SPOCK1: variants seen among roughly 807,000 people sequenced by gnomAD.
SPOCK1 encodes the protein SPARC (osteonectin), cwcv and kazal like domains proteoglycan 1.
In SPOCK1, 23 loss-of-function variants were observed where a neutral mutation model predicts 55.3. The observed-to-expected ratio is 0.42, with a 90% CI of 0.30 to 0.59. The LOEUF (loss-of-function observed/expected upper bound fraction) is 0.59, where lower values mean the gene tolerates loss of function less well. SPOCK1 is among the 20% of genes least tolerant of loss of function. The pLI, the probability that SPOCK1 is intolerant of heterozygous loss-of-function variation, is 0.22. For synonymous variants in SPOCK1, 226 were observed against 221.0 expected, an observed-to-expected ratio of 1.02 and a Z score of -0.20; for missense variants, 499 against 552.5, an observed-to-expected ratio of 0.90 and a Z score of 0.97.
At chr5:137,317,601 G>A (rs890731256) in intron 2 of SPOCK1, among the ~76,000 whole-genome samples, 6 of 152,298 alleles carry the variant, frequency 3.9e-5, no homozygotes, top group Non-Finnish European at 7.3e-5. Context: ...TTGGACACAC[G>A]TTTCAGGAAA....
intron 6 of SPOCK1, among the ~76,000 whole-genome samples, chr5:137,055,477 A>G (rs1752285789): frequency 6.6e-6 from 1 of 152,206 alleles, no homozygotes. Context: ...TTAACTCACT[A>G]TGCTTTCCCC....
chr5:137,125,471 C>A (rs1028452825), intron 4 of SPOCK1, among the ~76,000 whole-genome samples: 5 of 152,016 alleles, frequency 3.3e-5, no homozygotes, highest in African/African-American at 7.2e-5. Context: ...GGAGGTGGGG[C>A]CTTTGGCAGG....
At chr5:137,125,908 A>G (rs1008841330) in intron 4 of SPOCK1, among the ~76,000 whole-genome samples, 1 of 152,226 alleles carries the variant, frequency 6.6e-6, no homozygotes, top group African/African-American at 2.4e-5. Flanking sequence ...AGCACCCAGA[A>G]AGAAAAGGAG....
At chr5:137,389,153 C>T (rs2127178306) in intron 2 of SPOCK1, among the ~76,000 whole-genome samples, 1 of 152,232 alleles carries the variant, frequency 6.6e-6, no homozygotes, top group East Asian at 1.9e-4. Flanking sequence ...GTATAACAAC[C>T]CTCTTTAAAA....
At chr5:137,450,385 G>C (rs549887546) in intron 2 of SPOCK1, among the ~76,000 whole-genome samples, 42 of 152,148 alleles carry the variant, frequency 2.8e-4, no homozygotes, top group Non-Finnish European at 5.3e-4. Flanking sequence ...TCCTGCACCA[G>C]TGCATGCAAA....
chr5:137,383,875 C>A (rs149629996), intron 2 of SPOCK1, among the ~76,000 whole-genome samples: 1 of 152,166 alleles, frequency 6.6e-6, no homozygotes, highest in South Asian at 2.1e-4. Flanking sequence ...ATGAAGCTCC[C>A]GGTAAAACTC....
intron 2 of SPOCK1, among the ~76,000 whole-genome samples, chr5:137,436,713 T>C (rs1035450409): frequency 6.6e-6 from 1 of 152,198 alleles, no homozygotes; most frequent in Non-Finnish European, 1.5e-5. Context: ...ACTGACATCT[T>C]TATCACACAG....
intron 6 of SPOCK1, among the ~76,000 whole-genome samples, chr5:137,040,051 G>A (rs17703118): frequency 0.021 from 3,269 of 152,328 alleles, 201 homozygotes; most frequent in East Asian, 0.12. Flanking sequence ...TGCACAGCCA[G>A]ATTTTCACTT....
intron 5 of SPOCK1, among the ~76,000 whole-genome samples, chr5:137,094,300 C>G (rs1420441177): frequency 6.6e-6 from 1 of 152,178 alleles, no homozygotes; most frequent in Admixed American, 6.5e-5. Flanking sequence ...TCAAAAGCTA[C>G]TCTACATATG....
intron 2 of SPOCK1, among the ~76,000 whole-genome samples, chr5:137,270,628 A>G (rs1455427051): frequency 6.6e-6 from 1 of 152,240 alleles, no homozygotes; most frequent in Non-Finnish European, 1.5e-5. Context: ...GACCCTGTAA[A>G]TGTAAACAGA....
At chr5:137,157,189 C>G (rs1257925940) in intron 3 of SPOCK1, among the ~76,000 whole-genome samples, 4 of 152,126 alleles carry the variant, frequency 2.6e-5, no homozygotes, top group Non-Finnish European at 4.4e-5. Flanking sequence ...AAGAACACAT[C>G]TTTTCTTCAT....
rs776442876 is a variant in SPOCK1 at position 137,067,774 on chromosome 5, T to A, written c.530A>T (p.Asp177Val). 2 of 1,614,092 alleles carry A rather than the reference T, an allele frequency of 1.2e-6. No individual in the cohort carries two copies. Among genetic ancestry groups the A allele is most frequent in the South Asian group, 1.1e-5 (1 of 91,076 alleles). ...STGKSLATLC[D>V]GPCPCLPEPE... ...CTCTGGGAGACAGGGACAGGGCCCA[T>A]CACAGAGGGTGGCGAGGCTTTTGCC... is the stretch of plus-strand genomic sequence containing the variant. Residue 177 changes from aspartate (D) to valine (V), a missense_variant, in exon 6 of 11, where the codon GAT becomes GTT. Physicochemically the swap from Asp to Val is radical, Grantham distance 152 (BLOSUM62 -3). Transcript: ENST00000394945.
intron 2 of SPOCK1, among the ~76,000 whole-genome samples, chr5:137,399,691 C>A (rs895789129): frequency 1.3e-5 from 2 of 152,144 alleles, no homozygotes; most frequent in Non-Finnish European, 2.9e-5. Flanking sequence ...CAGAAGAAAG[C>A]TTTGTGCAGT....
At chr5:136,995,221 G>A (rs1286277570) in intron 6 of SPOCK1, among the ~76,000 whole-genome samples, 1 of 152,166 alleles carries the variant, frequency 6.6e-6, no homozygotes, top group African/African-American at 2.4e-5. Context: ...ATCCAAGTTT[G>A]TTCCCGTACT....
At chr5:137,446,209 A>T (rs1354635484) in intron 2 of SPOCK1, among the ~76,000 whole-genome samples, 1 of 152,160 alleles carries the variant, frequency 6.6e-6, no homozygotes, top group Non-Finnish European at 1.5e-5. Flanking sequence ...AAATAATTAC[A>T]TTTTATCTTT....
intron 2 of SPOCK1, among the ~76,000 whole-genome samples, chr5:137,396,004 C>T (rs963482437): frequency 1.4e-4 from 22 of 152,326 alleles, no homozygotes; most frequent in African/African-American, 3.4e-4. Flanking sequence ...ACATAAGTTA[C>T]GTTTCCTTGC....
intron 5 of SPOCK1, among the ~76,000 whole-genome samples, chr5:137,097,936 G>A (rs1016350433): frequency 2.0e-5 from 3 of 152,150 alleles, no homozygotes; most frequent in Non-Finnish European, 4.4e-5. Flanking sequence ...ACCTACCCGA[G>A]AGCAGAAGGC....
intron 2 of SPOCK1, among the ~76,000 whole-genome samples, chr5:137,267,552 A>G (rs1258334708): frequency 1.3e-5 from 2 of 152,370 alleles, no homozygotes; most frequent in South Asian, 2.1e-4. Flanking sequence ...GTTAGAATTA[A>G]CCAAAGGCGT....
At chr5:137,205,298 G>A (rs1012584360) in intron 3 of SPOCK1, among the ~76,000 whole-genome samples, 4 of 152,194 alleles carry the variant, frequency 2.6e-5, no homozygotes, top group Non-Finnish European at 5.9e-5. Context: ...GCCATGAATG[G>A]GAAATATGAG....
Sources: allele counts gnomAD v4.1 joint callset (sites outside exome capture counted in the v4.1 genomes callset), GRCh38; gene constraint gnomAD v4.1.1; transcripts MANE v1.5; gene names NCBI Gene and HGNC (gene_info 2026-07-23, HGNC 2026-07-21).